The following MARCHF3 variants were observed in gnomAD, a reference collection of about 807,000 sequenced individuals.
The protein encoded by MARCHF3 is E3 ubiquitin-protein ligase MARCHF3.
In MARCHF3, 13 loss-of-function variants were observed where a neutral mutation model predicts 24.2. That is an observed-to-expected ratio of 0.54 (90% CI 0.35 to 0.85). The LOEUF (loss-of-function observed/expected upper bound fraction) is 0.85, where lower values mean the gene tolerates loss of function less well. Among genes scored for constraint, MARCHF3 ranks in the 40% least tolerant of loss-of-function variants. The pLI is 0.01. For synonymous variants in MARCHF3, 144 were observed against 137.3 expected, an observed-to-expected ratio of 1.05 and a Z score of -0.34; for missense variants, 276 against 325.0, an observed-to-expected ratio of 0.85 and a Z score of 1.16.
At chr5:126,989,720 A>T (rs1448492995) in intron 1 of MARCHF3, among the ~76,000 whole-genome samples, 1 of 152,242 alleles carries the variant, frequency 6.6e-6, no homozygotes, top group Non-Finnish European at 1.5e-5. Context: ...CAACATGTAT[A>T]CATTAATCAC....
chr5:127,025,238 A>G (rs373158243), intron 1 of MARCHF3, among the ~76,000 whole-genome samples: 1 of 151,966 alleles, frequency 6.6e-6, no homozygotes, highest in East Asian at 1.9e-4. Context: ...GATTTTCCTA[A>G]GTACTCCAGG....
intron 1 of MARCHF3, among the ~76,000 whole-genome samples, chr5:126,994,242 T>C (rs1751871115): frequency 1.3e-5 from 2 of 152,210 alleles, no homozygotes; most frequent in African/African-American, 2.4e-5. Context: ...TGCTTTGTCA[T>C]AGGAGCTAGA....
intron 1 of MARCHF3, among the ~76,000 whole-genome samples, chr5:126,998,765 C>T (rs1474245086): frequency 6.6e-6 from 1 of 152,152 alleles, no homozygotes; most frequent in Non-Finnish European, 1.5e-5. Context: ...GTTCCCCTGT[C>T]CCACTCTCTC....
At chr5:126,930,831 T>C (rs2126803594) in intron 1 of MARCHF3, among the ~76,000 whole-genome samples, 1 of 152,350 alleles carries the variant, frequency 6.6e-6, no homozygotes, top group Admixed American at 6.5e-5. Flanking sequence ...CTGACAGCAA[T>C]CCAGGGTCTT....
chr5:126,883,712 G>T (rs545843031), intron 3 of MARCHF3, among the ~76,000 whole-genome samples: 1 of 152,302 alleles, frequency 6.6e-6, no homozygotes, highest in African/African-American at 2.4e-5. Flanking sequence ...GGAAGAGGGG[G>T]TGCCAGAGGT....
chr5:126,989,311 T>C (rs921763506), intron 1 of MARCHF3, among the ~76,000 whole-genome samples: 4 of 139,964 alleles, frequency 2.9e-5, no homozygotes, highest in African/African-American at 1.2e-4. Context: ...CTACTAGTAC[T>C]ACTACTACTA....
chr5:126,895,731 C>T (rs374205223), intron 3 of MARCHF3, among the ~76,000 whole-genome samples: 1 of 152,138 alleles, frequency 6.6e-6, no homozygotes, highest in East Asian at 1.9e-4. Context: ...CAGACAGGGA[C>T]ATTTAAGTCT....
At chr5:126,920,503 G>A (rs1377197808) in intron 1 of MARCHF3, among the ~76,000 whole-genome samples, 4 of 152,130 alleles carry the variant, frequency 2.6e-5, no homozygotes, top group Non-Finnish European at 1.5e-5. Context: ...TGACCTTCTT[G>A]CCGCATGGAA....
At chr5:126,953,033 G>A (rs544620873) in intron 1 of MARCHF3, among the ~76,000 whole-genome samples, 1 of 152,278 alleles carries the variant, frequency 6.6e-6, no homozygotes, top group Admixed American at 6.5e-5. Flanking sequence ...GAGGGAAAAT[G>A]TTCCAAACCT....
chr5:127,000,847 T>C (rs1004861362), intron 1 of MARCHF3, among the ~76,000 whole-genome samples: 1 of 152,162 alleles, frequency 6.6e-6, no homozygotes, highest in Admixed American at 6.5e-5. Flanking sequence ...TTTGTAGTTT[T>C]AGTAGAGACG....
intron 1 of MARCHF3, among the ~76,000 whole-genome samples, chr5:126,945,618 A>C (rs968957245): frequency 5.3e-5 from 8 of 152,112 alleles, no homozygotes; most frequent in African/African-American, 1.9e-4. Context: ...GAAGCTAGAG[A>C]GGTAAGAGAT....
chr5:126,989,140 A>G (rs1751659491), intron 1 of MARCHF3, among the ~76,000 whole-genome samples: 1 of 151,956 alleles, frequency 6.6e-6, no homozygotes, highest in Non-Finnish European at 1.5e-5. Context: ...TTAGCAGAGT[A>G]TCCTCGTGCA....
intron 1 of MARCHF3, among the ~76,000 whole-genome samples, chr5:126,933,282 A>G (rs2126804916): frequency 6.6e-6 from 1 of 152,280 alleles, no homozygotes; most frequent in East Asian, 1.9e-4. Flanking sequence ...AACCAAAGCT[A>G]ATCCATGATG....
chr5:126,980,875 G>C (rs1185372971), intron 1 of MARCHF3, among the ~76,000 whole-genome samples: 1 of 152,226 alleles, frequency 6.6e-6, no homozygotes, highest in Non-Finnish European at 1.5e-5. Context: ...ACAAGGTTTA[G>C]TGAGGGAAGT....
In MARCHF3 at chr5:126,868,860, A is replaced by T. The variant is rs558639241; in HGVS notation, c.*1773T>A. On this transcript the variant is annotated 3_prime_UTR_variant, in exon 5 of 5. Transcript: ENST00000308660. ...TGCAGCCGGTGATGTCCAGCATTTT[A>T]AAAAGGTCAATTAAGAAACGGTTGA... 3.1e-4 allele frequency: 47 copies of T among 152,392 alleles called. No individual in the cohort carries two copies. Among genetic ancestry groups the T allele is most frequent in the African/African-American group, 1.1e-3 (46 of 41,574 alleles). The allele number at this position is 152,392 out of a possible 1,614,324, so 9.4% of individuals were successfully genotyped here.
chr5:126,939,948 G>A (rs1036821994), intron 1 of MARCHF3, among the ~76,000 whole-genome samples: 7 of 152,088 alleles, frequency 4.6e-5, no homozygotes, highest in African/African-American at 1.7e-4. Context: ...TCTCTACAAG[G>A]TATCACAAGT....
intron 1 of MARCHF3, among the ~76,000 whole-genome samples, chr5:126,956,478 A>C (rs1168138687): frequency 6.6e-6 from 1 of 151,750 alleles, no homozygotes; most frequent in Non-Finnish European, 1.5e-5. Context: ...TCTCTACTAA[A>C]AATACAAAAA....
rs1163636838 is a variant in MARCHF3 at position 126,869,110 on chromosome 5, A to ATGC, written c.*1522_*1523insGCA. ...GCCAGTGAATGGAGGGCTCGCCTAC[A>ATGC]AAGGGGACACCTGCATCAGCTCCAT... On this transcript the variant is annotated 3_prime_UTR_variant, in exon 5 of 5. Transcript: ENST00000308660. 2 of 152,222 alleles carry ATGC rather than the reference A, an allele frequency of 1.3e-5. No individual in the cohort carries two copies. Among genetic ancestry groups the ATGC allele is most frequent in the Non-Finnish European group, 2.9e-5 (2 of 68,050 alleles). 9.4% of individuals were successfully genotyped at this position (152,222 alleles called of 1,614,324 possible).
chr5:127,029,819 T>G (rs534884771), intron 1 of MARCHF3: 13 of 152,348 alleles, frequency 8.5e-5, no homozygotes, highest in Admixed American at 2.0e-4. Flanking sequence ...CTTTAGAAAG[T>G]TCAAAGCCCA....
Sources: allele counts gnomAD v4.1 joint callset (sites outside exome capture counted in the v4.1 genomes callset), GRCh38; gene constraint gnomAD v4.1.1; transcripts MANE v1.5; gene names NCBI Gene and HGNC (gene_info 2026-07-23, HGNC 2026-07-21).